The following LCT variants were observed in gnomAD, a reference collection of about 807,000 sequenced individuals.
The protein encoded by LCT is lactase/phlorizin hydrolase.
LCT carries 90 observed loss-of-function variants against 173.0 expected under a neutral mutation model. That is an observed-to-expected ratio of 0.52 (90% CI 0.44 to 0.62). LCT has a LOEUF of 0.62. Among genes scored for constraint, LCT ranks in the 20% least tolerant of loss-of-function variants. The probability of loss-of-function intolerance (pLI) is 0.00; values close to 1 mark genes in which losing one functional copy is unlikely to be tolerated. For synonymous variants in LCT, 853 were observed against 957.6 expected (o/e 0.89, Z 2.02); for missense variants, 1,864 against 2,431.4 (o/e 0.77, Z 4.91).
At position 135,809,913 on chromosome 2, in the gene LCT, T is replaced by C; in HGVS notation, c.2434A>G (p.Ser812Gly). The C allele has an allele frequency of 6.2e-7, 1 of 1,614,244 alleles. No homozygotes were observed. Among genetic ancestry groups the C allele is most frequent in the Non-Finnish European group, 8.5e-7 (1 of 1,180,044 alleles). The change falls in exon 8 of 17, where the codon AGC (serine) becomes GGC (glycine). Residue 812 changes from serine (S) to glycine (G), a missense_variant. Ser to Gly is a moderately conservative substitution (Grantham distance 56, BLOSUM62 0). Coordinates refer to ENST00000264162, the MANE Select transcript of LCT (RefSeq NM_002299.4). This position sits in a 1 kb window ranked among gnomAD's most constrained non-coding sequence, Gnocchi z 5.5. ...IDGFEGPSGYSQRFGLHHVNF... is the reference protein window; with the variant it reads ...IDGFEGPSGYGQRFGLHHVNF... ...ACGTGGTGCAGGCCAAACCGCTGGCTGTAACCAGAAGGGCCTTCGAAGCCA... is the reference window on the plus strand; with the variant it reads ...ACGTGGTGCAGGCCAAACCGCTGGCCGTAACCAGAAGGGCCTTCGAAGCCA...
At chr2:135,835,978 A>ATG (rs1558748552) in intron 1 of LCT, among the ~76,000 whole-genome samples, 4 of 16,088 alleles carry the variant, frequency 2.5e-4, no homozygotes, top group Admixed American at 1.1e-3. Context: ...ACATGTGTGT[A>ATG]TATATATATA....
intron 2 of LCT, among the ~76,000 whole-genome samples, chr2:135,830,871 C>T (rs1208657147): frequency 2.6e-5 from 4 of 152,216 alleles, no homozygotes; most frequent in Non-Finnish European, 4.4e-5. Context: ...TAGGGATTCA[C>T]ATTTAGAGAT....
rs572257759 is a variant in LCT at position 135,824,083 on chromosome 2, G to A, written c.805-80C>T. 7.9e-5 allele frequency: 74 copies of A among 938,496 alleles called. No homozygotes were observed. The African/African-American group carries it at 9.3e-4, about 12-fold the overall frequency. The allele number at this position is 938,496 out of a possible 1,614,324, so 58.1% of individuals were successfully genotyped here. ...TAACAGGGACAGAGTTTCAAGATGAGAAGCTGTGGCACTTACTCTGGCTTT... is the reference window on the plus strand; with the variant it reads ...TAACAGGGACAGAGTTTCAAGATGAAAAGCTGTGGCACTTACTCTGGCTTT... On this transcript the variant is annotated intron_variant, in intron 3 of 16. Coordinates refer to ENST00000264162, the MANE Select transcript of LCT (RefSeq NM_002299.4).
chr2:135,831,839 G>A (rs2077943472), intron 2 of LCT, among the ~76,000 whole-genome samples: 2 of 152,184 alleles, frequency 1.3e-5, no homozygotes, highest in Admixed American at 6.5e-5. Context: ...ACCGGCGGTG[G>A]TTCCCATGGC....
chr2:135,835,509 T>G (rs560235196), intron 1 of LCT, among the ~76,000 whole-genome samples: 8 of 70,772 alleles, frequency 1.1e-4, no homozygotes, highest in Non-Finnish European at 1.9e-4. Flanking sequence ...TATATATATA[T>G]ATATATATAT....
At position 135,792,253 on chromosome 2, in the gene LCT, T is replaced by G. The variant is rs145331274; in HGVS notation, c.5112-1372A>C. On this transcript the variant is annotated intron_variant, in intron 14 of 16. Coordinates refer to ENST00000264162, the MANE Select transcript of LCT (RefSeq NM_002299.4). The stretch of plus-strand genomic sequence containing the variant: ...CTGTAGCCACTCCCTGTCCCCAGCT[T>G]GAGCCCAGGGAAGCCATTCCTGACT... Among the ~76,000 whole-genome samples the G allele has an allele frequency of 9.3e-4, 141 of 152,276 alleles. 1 individual carries two copies. The highest frequency in any genetic ancestry group is 3.2e-3 in the African/African-American group (131 of 41,556).
At position 135,814,548 on chromosome 2, in the gene LCT, C is replaced by T. The variant is rs78673412; in HGVS notation, c.1708-1592G>A. Among the ~76,000 whole-genome samples, 2,054 of 150,050 alleles carry T rather than the reference C, an allele frequency of 0.014. 103 individuals carry two copies. The East Asian group carries it at 0.18, about 14-fold the overall frequency. On this transcript the variant is annotated intron_variant, in intron 6 of 16. Transcript: ENST00000264162. ...TTTTTTTTTTTTTGAGATGGAGTCT[C>T]GCTCTGTCACCAGGCTGGAGTGCAG...
At chr2:135,824,353 A>C (rs994087760) in intron 3 of LCT, among the ~76,000 whole-genome samples, 1 of 152,098 alleles carries the variant, frequency 6.6e-6, no homozygotes, top group African/African-American at 2.4e-5. Context: ...GCCACCATCT[A>C]TGGATGTCTG....
At chr2:135,821,709 T>C in intron 5 of LCT, 1 of 387,168 alleles carries the variant, frequency 2.6e-6, no homozygotes, top group East Asian at 5.7e-5. Context: ...AGCCCAGTCT[T>C]GAACTCCTGG....
At position 135,809,973 on chromosome 2, in the gene LCT, C is replaced by T. The variant is rs1160242655; in HGVS notation, c.2374G>A (p.Asp792Asn). 2.3e-5 allele frequency: 37 copies of T among 1,611,242 alleles called. No individual in the cohort carries two copies. Among genetic ancestry groups the T allele is most frequent in the Non-Finnish European group, 3.1e-5 (37 of 1,177,470 alleles). The part of the protein sequence containing the change: ...VLKAIKEDSV[D>N]VRSYIARSLI... ...GAACGAGCAATGTAGGAACGAACAT[C>T]CACAGAGTCTTCCTTGATAGCTGTG... Residue 792 changes from aspartate to asparagine, a missense_variant, in exon 8 of 17, where the codon GAT (aspartate) becomes AAT (asparagine). By Grantham distance (23) the Asp-to-Asn change is conservative. Transcript: ENST00000264162. The surrounding 1 kb of genome is among the most constrained non-coding windows in gnomAD (Gnocchi z 5.5).
Position 135,837,138 on chromosome 2 carries a change from G to A in LCT, c.32C>T (p.Ala11Val), listed in dbSNP as rs761065698. The A allele has an allele frequency of 3.7e-6, 6 of 1,613,708 alleles. No individual in the cohort carries two copies. The highest frequency in any genetic ancestry group is 1.1e-5 in the South Asian group (1 of 91,080). The change falls in exon 1 of 17, where the codon GCC (alanine) becomes GTC (valine). Residue 11 changes from alanine (A) to valine (V), a missense_variant. Ala to Val is a moderately conservative substitution (Grantham distance 64, BLOSUM62 0). Coordinates refer to ENST00000264162, the MANE Select transcript of LCT (RefSeq NM_002299.4). ...CCCCCAGCATGAAAAACTTAGCAGG[G>A]CAATAAAGACTACATGCCAAGACAG... MELSWHVVFI[A>V]LLSFSCWGSD... is the part of the protein sequence containing the mutation.
intron 7 of LCT, 47 bp downstream of exon 7, chr2:135,812,264 A>C: frequency 6.6e-7 from 1 of 1,510,982 alleles, no homozygotes; most frequent in Non-Finnish European, 9.2e-7. Context: ...GAAGACTTGG[A>C]GAAGTACCAC....
chr2:135,800,589 C>T lies in LCT; in HGVS notation c.4866+18G>A. The T allele has an allele frequency of 5.0e-6, 8 of 1,597,676 alleles. No homozygotes were observed. Among genetic ancestry groups the T allele is most frequent in the Non-Finnish European group, 6.9e-6 (8 of 1,166,858 alleles). ...AGATGGACAAGAGTAAGAACAAGCG[C>T]CCAGAGGAAAAACAGACCTGAACAT... On this transcript the variant is annotated intron_variant, in intron 12 of 16. Coordinates refer to ENST00000264162, the MANE Select transcript of LCT (RefSeq NM_002299.4).
At chr2:135,823,786 C>G in intron 4 of LCT, 115 bp downstream of exon 4, 1 of 757,056 alleles carries the variant, frequency 1.3e-6, no homozygotes, top group South Asian at 1.5e-5. Context: ...GGCTTTTATA[C>G]TAGTCTTCCT....
chr2:135,815,728 T>C (rs1243975426), intron 6 of LCT, among the ~76,000 whole-genome samples: 1 of 152,104 alleles, frequency 6.6e-6, no homozygotes, highest in Non-Finnish European at 1.5e-5. Context: ...TCTCGCTTTG[T>C]CACCCAGGCT....
intron 2 of LCT, among the ~76,000 whole-genome samples, chr2:135,831,771 C>T (rs762256860): frequency 2.3e-4 from 35 of 152,234 alleles, no homozygotes; most frequent in Admixed American, 1.1e-3. Context: ...AACGCACAGA[C>T]GCCAATGAGC....
intron 2 of LCT, among the ~76,000 whole-genome samples, 154 bp from the exon 3 acceptor site, chr2:135,829,830 A>AGGGTGTGTGT (rs2077919686): frequency 6.8e-6 from 1 of 146,606 alleles, no homozygotes; most frequent in African/African-American, 2.5e-5. Flanking sequence ...GGAATGAGAA[A>AGGGTGTGTGT]GTGTGTGTGT....
At chr2:135,835,976 G>GTATATAAATATATATATATATA (rs1553436125) in intron 1 of LCT, among the ~76,000 whole-genome samples, 1 of 80,478 alleles carries the variant, frequency 1.2e-5, no homozygotes, top group African/African-American at 6.7e-5. Context: ...ATACATGTGT[G>GTATATAAATATATATATATATA]TATATATATA....
chr2:135,823,160 C>G (rs572147367), intron 4 of LCT: 1 of 155,492 alleles, frequency 6.4e-6, no homozygotes, highest in South Asian at 2.0e-4. Context: ...AGAAAGAACA[C>G]TACTGACTTC....
Sources: gnomAD v4.1 joint callset for allele counts (sites outside exome capture counted in the v4.1 genomes callset) on GRCh38, gnomAD v4.1.1 for gene constraint, Gnocchi (gnomAD v3.1) non-coding constraint, MANE v1.5 for transcripts, NCBI Gene and HGNC (gene_info 2026-07-23, HGNC 2026-07-21) for gene names.